Variants in CR1 observed in about 807,000 individuals in gnomAD.
The protein encoded by CR1 is complement C3b/C4b receptor 1 (Knops blood group), also known as complement receptor type 1.
In CR1, 116 loss-of-function variants were observed where a neutral mutation model predicts 187.3. The observed-to-expected ratio is 0.62, with a 90% CI of 0.53 to 0.72. CR1 has a LOEUF of 0.72. Among genes scored for constraint, CR1 ranks in the 30% least tolerant of loss-of-function variants. The pLI is 0.00. For synonymous variants in CR1, 576 were observed against 747.1 expected (o/e 0.77, Z 3.73); for missense variants, 1,731 against 2,110.7 (o/e 0.82, Z 3.52).
rs2296878 is a variant in CR1, at chr1:207,496,357, T to A, written c.90T>A (p.Val30=). ...PFCCGGSLLA[V]VVLLALPVAW... ...GCTGCGGAGGATCCCTGCTGGCGGTTGTGGTGCTGCTTGCGCTGCCGGTGG... is the reference window on the plus strand; with the variant it reads ...GCTGCGGAGGATCCCTGCTGGCGGTAGTGGTGCTGCTTGCGCTGCCGGTGG... Residue 30 remains valine, a synonymous_variant, in exon 1 of 47, where the codon GTT becomes GTA. Coordinates refer to ENST00000367049, the MANE Select transcript of CR1 (RefSeq NM_000651.6). 6.2e-7 allele frequency: 1 copy of A among 1,611,984 alleles called. No individual in the cohort carries two copies. The highest frequency in any genetic ancestry group is 8.5e-7 in the Non-Finnish European group (1 of 1,179,414).
At chr1:207,629,392 C>A (rs1268739375) in intron 45 of CR1, among the ~76,000 whole-genome samples, 12 of 152,062 alleles carry the variant, frequency 7.9e-5, no homozygotes, top group Admixed American at 7.9e-4. Context: ...ATGTACCACT[C>A]ATCACCCAAG....
At chr1:207,638,223 T>C (rs1662875523) in intron 46 of CR1, among the ~76,000 whole-genome samples, 2 of 152,240 alleles carry the variant, frequency 1.3e-5, no homozygotes, top group Admixed American at 6.5e-5. Context: ...TTTCCACTGA[T>C]GTAAGAATTT....
At chr1:207,509,687 C>T (rs1199690128) in intron 3 of CR1, among the ~76,000 whole-genome samples, 2 of 152,104 alleles carry the variant, frequency 1.3e-5, no homozygotes, top group Non-Finnish European at 2.9e-5. Context: ...TATCCCAACC[C>T]CCATGATTAG....
intron 35 of CR1, among the ~76,000 whole-genome samples, chr1:207,600,433 A>G (rs7530069): frequency 0.032 from 4,867 of 152,306 alleles, 260 homozygotes; most frequent in African/African-American, 0.11. Context: ...TATAAAAGTG[A>G]TATAACTCCA....
In CR1 at chr1:207,577,795, T is replaced by A; in HGVS notation, c.4538-10T>A. 6.2e-7 allele frequency: 1 copy of A among 1,613,692 alleles called. No homozygotes were observed. Among genetic ancestry groups the A allele is most frequent in the South Asian group, 1.1e-5 (1 of 91,074 alleles). ...GTTTTGTTTTGGTTAACTTGCTGTC[T>A]CTTTTCCAGGAATTCCTTGTGGGCT... On this transcript the variant is annotated splice_polypyrimidine_tract_variant and intron_variant, in intron 28 of 46. Coordinates refer to ENST00000367049, the MANE Select transcript of CR1 (RefSeq NM_000651.6).
intron 1 of CR1, among the ~76,000 whole-genome samples, chr1:207,503,474 G>T (rs775924548): frequency 6.6e-6 from 1 of 152,132 alleles, no homozygotes; most frequent in Non-Finnish European, 1.5e-5. Flanking sequence ...GGCTCCAGGG[G>T]AGCAGGGGTT....
At chr1:207,636,810 G>T (rs1662829025) in intron 46 of CR1, among the ~76,000 whole-genome samples, 2 of 152,336 alleles carry the variant, frequency 1.3e-5, no homozygotes, top group East Asian at 3.9e-4. Context: ...GTTGGTCCAT[G>T]GACATAGAAA....
intron 29 of CR1, 69 bp from the exon 30 acceptor site, chr1:207,580,171 T>C (rs1312488947): frequency 6.3e-7 from 1 of 1,579,026 alleles, no homozygotes; most frequent in Non-Finnish European, 8.6e-7. Flanking sequence ...TGACTAGCTA[T>C]GAGGTCTTCA....
chr1:207,617,999 G>T (rs1662199152), intron 41 of CR1, 72 bp from the exon 42 acceptor site: 1 of 1,493,476 alleles, frequency 6.7e-7, no homozygotes. Flanking sequence ...GATATTGGAT[G>T]TGTTCATGTA....
chr1:207,584,671 A>G lies in CR1; in HGVS notation c.5325A>G (p.Pro1775=), dbSNP rs780171472. The G allele has an allele frequency of 1.9e-5, 30 of 1,613,586 alleles. No homozygotes were observed. The highest frequency in any genetic ancestry group is 2.5e-5 in the Non-Finnish European group (30 of 1,179,654). Residue 1775 remains proline (P), a synonymous_variant, in exon 33 of 47, where the codon CCA becomes CCG. Transcript: ENST00000367049. ...TAGATATCTTTTGTCCAAATCCTCC[A>G]GCTATCCTTAATGGGAGACACACAG... The part of the protein sequence containing the change: ...VCEHIFCPNP[P]AILNGRHTGT...
intron 4 of CR1, among the ~76,000 whole-genome samples, chr1:207,520,354 C>G (rs950505990): frequency 6.6e-6 from 1 of 152,224 alleles, no homozygotes; most frequent in Non-Finnish European, 1.5e-5. Context: ...GATATGCTGC[C>G]GTGACCACCT....
rs201259571 is a variant in CR1, at chr1:207,523,735, G to T, written c.612G>T (p.Val204=). 63 of 1,612,444 alleles carry T rather than the reference G, an allele frequency of 3.9e-5. No homozygotes were observed. In the East Asian group the frequency reaches 1.4e-3, roughly 36 times the overall value. The change falls in exon 5 of 47, where the codon GTG becomes GTT. Residue 204 remains valine (V), a synonymous_variant. Transcript: ENST00000367049. ...RCNPGSGGRK[V]FELVGEPSIY... is the part of the protein sequence containing the mutation. ...ATCCTGGAAGCGGAGGGAGAAAGGTGTTTGAGCTTGTGGGTGAGCCCTCCA... is the reference window on the plus strand; with the variant it reads ...ATCCTGGAAGCGGAGGGAGAAAGGTTTTTGAGCTTGTGGGTGAGCCCTCCA...
chr1:207,632,797 C>CAAAAAAAA lies in CR1; in HGVS notation c.7457+2197_7457+2204dup, dbSNP rs55649027. On this transcript the variant is annotated intron_variant, in intron 46 of 46. Transcript: ENST00000367049. The stretch of plus-strand genomic sequence containing the variant: ...TGGGTGACAGAGCAAGACTCCGTCT[C>CAAAAAAAA]AAAAAAAAAAAAAAAAAAAAAAAAA... Among the ~76,000 whole-genome samples the CAAAAAAAA allele has an allele frequency of 8.0e-4, 86 of 107,626 alleles. 2 individuals carry two copies. Among genetic ancestry groups the CAAAAAAAA allele is most frequent in the African/African-American group, 3.6e-3 (82 of 22,598 alleles). The allele number at this position is 107,626 out of a possible 152,430, so 70.6% of individuals were successfully genotyped here. A position where few individuals can be genotyped will look rare whatever the true frequency, so the allele number is the denominator to read the frequency against.
rs1393932702 is a variant in CR1, at chr1:207,511,674, C to T, written c.487+20C>T. The T allele has an allele frequency of 9.4e-6, 15 of 1,601,538 alleles. No individual in the cohort carries two copies. Among genetic ancestry groups the T allele is most frequent in the Non-Finnish European group, 1.2e-5 (14 of 1,169,590 alleles). ...GTGACAGTGAGTTGAAATATCCCTT[C>T]CTATTTCTTTTACCGACACATTCTA... On this transcript the variant is annotated intron_variant, in intron 4 of 46. Transcript: ENST00000367049.
At chr1:207,522,786 T>C (rs1018778767) in intron 4 of CR1, among the ~76,000 whole-genome samples, 1 of 152,216 alleles carries the variant, frequency 6.6e-6, no homozygotes, top group Non-Finnish European at 1.5e-5. Flanking sequence ...ATTTCTAAAT[T>C]TATCCAATTA....
chr1:207,502,804 A>G (rs1430442342), intron 1 of CR1, among the ~76,000 whole-genome samples: 1 of 152,222 alleles, frequency 6.6e-6, no homozygotes, highest in East Asian at 1.9e-4. Context: ...CATTGACAAC[A>G]GGGAAAAGGC....
chr1:207,609,488 C>T lies in CR1; in HGVS notation c.6095C>T (p.Pro2032Leu). 1 of 1,613,942 alleles carries T rather than the reference C, an allele frequency of 6.2e-7. No homozygotes were observed. ...CAAGTTGGTGTTTGGAGCAGCCCTC[C>T]CCCTCGGTGTATTTCTACTAATAAA... ...DDQVGVWSSP[P>L]PRCISTNKCT... is the part of the protein sequence containing the mutation. Residue 2032 changes from proline (P) to leucine (L), a missense_variant, in exon 37 of 47, where the codon CCC becomes CTC. By Grantham distance (98) the Pro-to-Leu change is moderately conservative. Transcript: ENST00000367049.
chr1:207,601,531 T>A (rs1171581779), intron 35 of CR1, among the ~76,000 whole-genome samples: 2 of 152,086 alleles, frequency 1.3e-5, no homozygotes, highest in Non-Finnish European at 2.9e-5. Context: ...TACATCCCCA[T>A]CAGCAATGCA....
intron 45 of CR1, among the ~76,000 whole-genome samples, chr1:207,628,017 AG>A (rs1406353263): frequency 6.6e-6 from 1 of 152,178 alleles, no homozygotes; most frequent in African/African-American, 2.4e-5. Flanking sequence ...GAGATCCTAT[AG>A]TAATTAGATC....
Sources: gnomAD v4.1 joint callset for allele counts (sites outside exome capture counted in the v4.1 genomes callset) on GRCh38, gnomAD v4.1.1 for gene constraint, MANE v1.5 for transcripts, NCBI Gene and HGNC (gene_info 2026-07-23, HGNC 2026-07-21) for gene names.